OCLN: variants seen among roughly 807,000 people sequenced by gnomAD.
The protein encoded by OCLN is occludin, also known as phosphatase 1, regulatory subunit 115.
A neutral mutation model predicts 47.9 loss-of-function variants in OCLN; 21 were observed. The observed-to-expected ratio is 0.44, with a 90% CI of 0.31 to 0.63. OCLN has a LOEUF of 0.63. Among genes scored for constraint, OCLN ranks in the 30% least tolerant of loss-of-function variants. OCLN has a pLI of 0.08. For missense variants in OCLN, 360 were observed against 571.0 expected (o/e 0.63, Z 3.77); for synonymous variants, 117 against 198.4 (o/e 0.59, Z 3.45).
At chr5:69,515,509 GACGGGGCGGC>G (rs1768919373) in intron 4 of OCLN, among the ~76,000 whole-genome samples, 1 of 136,270 alleles carries the variant, frequency 7.3e-6, no homozygotes, top group Non-Finnish European at 1.6e-5. Context: ...TCACCTCCCG[GACGGGGCGGC>G]TGGCCGGGCG....
intron 1 of OCLN, among the ~76,000 whole-genome samples, chr5:69,497,414 A>G (rs1768328776): frequency 1.5e-5 from 2 of 130,806 alleles, no homozygotes; most frequent in Non-Finnish European, 1.6e-5. Flanking sequence ...TTTGAGCCAG[A>G]GTCTCACTGT....
chr5:69,529,015 A>G (rs1382249368), intron 4 of OCLN, among the ~76,000 whole-genome samples: 5 of 152,248 alleles, frequency 3.3e-5, no homozygotes, highest in African/African-American at 4.8e-5. Flanking sequence ...AAATTGATCT[A>G]AGTGGGGATA....
At chr5:69,520,711 G>A (rs1769113386) in intron 4 of OCLN, among the ~76,000 whole-genome samples, 1 of 152,046 alleles carries the variant, frequency 6.6e-6, no homozygotes, top group African/African-American at 2.4e-5. Context: ...GAGACAGGGT[G>A]TAGCTCTGTC....
intron 4 of OCLN, among the ~76,000 whole-genome samples, chr5:69,532,392 C>T (rs1034626327): frequency 4.6e-5 from 7 of 152,144 alleles, no homozygotes; most frequent in African/African-American, 1.7e-4. Context: ...ACGTACCAAA[C>T]CCTAAAATGC....
chr5:69,497,385 A>ATTTT (rs373562576), intron 1 of OCLN, among the ~76,000 whole-genome samples: 19 of 116,316 alleles, frequency 1.6e-4, no homozygotes, highest in Admixed American at 2.0e-4. Flanking sequence ...GTTTTTCTAG[A>ATTTT]TTTTTTTTTT....
intron 1 of OCLN, among the ~76,000 whole-genome samples, chr5:69,494,087 A>C (rs943296547): frequency 6.6e-6 from 1 of 152,196 alleles, no homozygotes; most frequent in Non-Finnish European, 1.5e-5. Context: ...GAAGGCACTT[A>C]TGGTGTTTTT....
intron 4 of OCLN, among the ~76,000 whole-genome samples, chr5:69,517,651 C>G (rs963932819): frequency 7.9e-5 from 12 of 152,024 alleles, no homozygotes; most frequent in African/African-American, 2.9e-4. Context: ...TTAAGGAAAT[C>G]TAGGAAGATA....
chr5:69,525,643 A>G (rs1769259115), intron 4 of OCLN, among the ~76,000 whole-genome samples: 1 of 152,096 alleles, frequency 6.6e-6, no homozygotes. Context: ...AGTTTCTCTG[A>G]TACTCTTGAT....
rs1352747152 is a variant in OCLN, at chr5:69,533,036, C to CAT, written c.892-1657_892-1656dup. On this transcript the variant is annotated intron_variant, in intron 4 of 8. Coordinates refer to ENST00000396442, the MANE Select transcript of OCLN (RefSeq NM_001205254.2). ...GTGTGTGTGTGTGTATACACACACA[C>CAT]ATGTATATATACACATATATACATA... is the stretch of plus-strand genomic sequence containing the variant. Among the ~76,000 whole-genome samples the CAT allele has an allele frequency of 6.4e-4, 89 of 139,440 alleles. 2 individuals carry two copies. The highest frequency in any genetic ancestry group is 7.5e-4 in the Non-Finnish European group (50 of 66,492). 91.5% of individuals were successfully genotyped at this position (139,440 alleles called of 152,430 possible).
chr5:69,522,105 G>C (rs1192441674), intron 4 of OCLN, among the ~76,000 whole-genome samples: 1 of 151,932 alleles, frequency 6.6e-6, no homozygotes, highest in Non-Finnish European at 1.5e-5. Context: ...CAAAGTGTTG[G>C]GATTGTAGGC....
rs1768728827 is a variant in OCLN at position 69,509,803 on chromosome 5, T to C, written c.713T>C (p.Val238Ala). The C allele has an allele frequency of 1.9e-6, 3 of 1,613,778 alleles. No individual in the cohort carries two copies. Among genetic ancestry groups the C allele is most frequent in the Non-Finnish European group, 2.5e-6 (3 of 1,179,948 alleles). The change falls in exon 3 of 9, where the codon GTT (valine) becomes GCT (alanine). Residue 238 changes from valine to alanine, a missense_variant. Physicochemically the swap from Val to Ala is moderately conservative, Grantham distance 64. Transcript: ENST00000396442. ...GATCAGTATTTGTATCACTACTGTG[T>C]TGTGGATCCCCAGGAGGTATGAGTG... ...YVDQYLYHYC[V>A]VDPQEAIAIV... is the part of the protein sequence containing the mutation.
chr5:69,529,685 C>T (rs1769377754), intron 4 of OCLN, among the ~76,000 whole-genome samples: 2 of 152,032 alleles, frequency 1.3e-5, no homozygotes, highest in South Asian at 2.1e-4. Flanking sequence ...CACACTGCAA[C>T]CTCCATCTCC....
chr5:69,496,107 T>TG (rs1280886761), intron 1 of OCLN, among the ~76,000 whole-genome samples: 1 of 151,978 alleles, frequency 6.6e-6, no homozygotes, highest in East Asian at 1.9e-4. Flanking sequence ...TTAAACTTTT[T>TG]TTTTTTTTTT....
chr5:69,495,790 G>A (rs142006912), intron 1 of OCLN, among the ~76,000 whole-genome samples: 210 of 152,256 alleles, frequency 1.4e-3, no homozygotes, highest in Non-Finnish European at 2.2e-3. Context: ...GTGATGGAGT[G>A]AGGGACAGGG....
intron 1 of OCLN, among the ~76,000 whole-genome samples, chr5:69,501,823 T>C (rs1768466645): frequency 6.6e-6 from 1 of 152,204 alleles, no homozygotes; most frequent in African/African-American, 2.4e-5. Context: ...TATATTTCCA[T>C]CTTTGAGGAT....
chr5:69,526,872 G>A (rs1216457665), intron 4 of OCLN, among the ~76,000 whole-genome samples: 1 of 152,174 alleles, frequency 6.6e-6, no homozygotes, highest in Non-Finnish European at 1.5e-5. Context: ...TCCGTGAATG[G>A]GGTCCTGATG....
At chr5:69,550,385 T>G (rs902148575) in intron 7 of OCLN, among the ~76,000 whole-genome samples, 25 of 149,324 alleles carry the variant, frequency 1.7e-4, no homozygotes, top group African/African-American at 6.1e-4. Flanking sequence ...AGAGACGGGG[T>G]TTTGCCATGT....
intron 4 of OCLN, among the ~76,000 whole-genome samples, chr5:69,532,916 C>T (rs940291243): frequency 5.3e-5 from 8 of 150,952 alleles, no homozygotes; most frequent in Non-Finnish European, 5.9e-5. Flanking sequence ...TACAGTGAGC[C>T]GAGATCGCAC....
intron 5 of OCLN, among the ~76,000 whole-genome samples, 168 bp downstream of exon 5, chr5:69,535,007 C>T (rs978901543): frequency 1.3e-5 from 2 of 150,996 alleles, no homozygotes; most frequent in Middle Eastern, 3.2e-3. Context: ...CAGAGGCCTA[C>T]GGCTACTTGG....
Sources: allele counts gnomAD v4.1 joint callset (sites outside exome capture counted in the v4.1 genomes callset), GRCh38; gene constraint gnomAD v4.1.1; transcripts MANE v1.5; gene names NCBI Gene and HGNC (gene_info 2026-07-23, HGNC 2026-07-21).